Variants in PRP4K observed in about 807,000 individuals in gnomAD.
The protein encoded by PRP4K is serine/threonine-protein kinase PRP4 homolog.
chr6:4,047,363 G>T, the PRP4K span: 1 of 891,498 alleles, frequency 1.1e-6, no homozygotes, highest in East Asian at 2.7e-5. Context: ...TGAACAGTGT[G>T]GGTGAAAGGA....
At chr6:4,021,332 T>C in the PRP4K span, 2 of 1,522,534 alleles carry the variant, frequency 1.3e-6, no homozygotes, top group Non-Finnish European at 1.8e-6. Context: ...GGTCGGCACA[T>C]GCGCGGCAGC....
At chr6:4,021,588 G>A in the PRP4K span, 1 of 1,376,450 alleles carries the variant, frequency 7.3e-7, no homozygotes, top group Non-Finnish European at 1.0e-6. Context: ...TTTCCGGCGC[G>A]ATTCGTTGTG....
chr6:4,052,252 T>G, the PRP4K span, among the ~76,000 whole-genome samples: 1 of 151,644 alleles, frequency 6.6e-6, no homozygotes, highest in Non-Finnish European at 1.5e-5. Context: ...ACAGCTAGTC[T>G]TTGTTGTTGT....
chr6:4,061,668 AC>A, the PRP4K span: 1 of 152,400 alleles, frequency 6.6e-6, no homozygotes. Flanking sequence ...TAAACCTTCC[AC>A]TCTTGAACAA....
At chr6:4,031,407 A>G in the PRP4K span, 1 of 547,268 alleles carries the variant, frequency 1.8e-6, no homozygotes, top group African/African-American at 2.0e-5. Context: ...ACCTTCTTTG[A>G]AATAAAATGT....
At chr6:4,056,816 T>A in the PRP4K span, 1 of 1,215,344 alleles carries the variant, frequency 8.2e-7, no homozygotes, top group Non-Finnish European at 1.1e-6. Context: ...TCTTTTGCCC[T>A]TTAAGTTCCT....
At chr6:4,053,183 T>TG in the PRP4K span, among the ~76,000 whole-genome samples, 1 of 152,178 alleles carries the variant, frequency 6.6e-6, no homozygotes, top group Non-Finnish European at 1.5e-5. Context: ...TTTAGAAAAA[T>TG]GCTGCACATG....
At chr6:4,032,251 G>A in the PRP4K span, 4 of 1,613,076 alleles carry the variant, frequency 2.5e-6, no homozygotes, top group Non-Finnish European at 3.4e-6. Flanking sequence ...CCTACCCTTA[G>A]AAGGCGATCT....
At chr6:4,036,671 C>T in the PRP4K span, among the ~76,000 whole-genome samples, 1 of 152,058 alleles carries the variant, frequency 6.6e-6, no homozygotes. Flanking sequence ...ACCATTGTGC[C>T]TGGCCTATTA....
the PRP4K span, among the ~76,000 whole-genome samples, chr6:4,044,790 A>G: frequency 6.6e-6 from 1 of 151,846 alleles, no homozygotes; most frequent in South Asian, 2.1e-4. Context: ...CTTTTCCTTT[A>G]CAGTTCCATA....
the PRP4K span, chr6:4,032,002 C>T: frequency 1.2e-6 from 2 of 1,613,782 alleles, no homozygotes; most frequent in East Asian, 2.2e-5. Context: ...AGGTCTAGTA[C>T]TAGATCTTCA....
chr6:4,034,387 T>C, the PRP4K span, among the ~76,000 whole-genome samples: 1 of 152,224 alleles, frequency 6.6e-6, no homozygotes, highest in Non-Finnish European at 1.5e-5. Context: ...CTTGGTTATA[T>C]GTGAGGTTTC....
the PRP4K span, chr6:4,021,412 T>C: frequency 1.3e-6 from 2 of 1,577,944 alleles, no homozygotes; most frequent in African/African-American, 2.7e-5. Flanking sequence ...CGCCGAGGAG[T>C]CAGGAAGTTC....
chr6:4,046,421 A>AT, the PRP4K span, among the ~76,000 whole-genome samples: 7 of 151,404 alleles, frequency 4.6e-5, no homozygotes, highest in East Asian at 5.8e-4. Context: ...AAGCGACTGG[A>AT]TTTTTTTTTC....
At chr6:4,052,318 G>A in the PRP4K span, among the ~76,000 whole-genome samples, 99,392 of 151,920 alleles carry the variant, frequency 0.65, 32,800 homozygotes, top group East Asian at 0.77. Flanking sequence ...GAGTACAGTG[G>A]TGCAGTCTTG....
At chr6:4,037,567 G>A in the PRP4K span, 2 of 1,613,024 alleles carry the variant, frequency 1.2e-6, no homozygotes, top group Non-Finnish European at 1.7e-6. Flanking sequence ...TCTCCTCGGA[G>A]AAGGTAAAGA....
chr6:4,047,753 T>A, the PRP4K span, among the ~76,000 whole-genome samples: 1 of 152,202 alleles, frequency 6.6e-6, no homozygotes. Context: ...TGGAAAAGTC[T>A]TAAACTATGA....
At chr6:4,025,753 C>T in the PRP4K span, among the ~76,000 whole-genome samples, 8 of 152,100 alleles carry the variant, frequency 5.3e-5, no homozygotes, top group African/African-American at 1.9e-4. Flanking sequence ...TTTAATGAAA[C>T]TCCTAAGATT....
chr6:4,047,508 A>G, the PRP4K span, among the ~76,000 whole-genome samples: 1 of 152,232 alleles, frequency 6.6e-6, no homozygotes, highest in Non-Finnish European at 1.5e-5. Flanking sequence ...TTTGTACAGT[A>G]TTGTGTATTT....
Sources: gnomAD v4.1 joint callset for allele counts (sites outside exome capture counted in the v4.1 genomes callset) on GRCh38, gnomAD v4.1.1 for gene constraint, MANE v1.5 for transcripts, NCBI Gene and HGNC (gene_info 2026-07-23, HGNC 2026-07-21) for gene names.